FBXL5: variants seen among roughly 807,000 people sequenced by gnomAD.
The protein encoded by FBXL5 is F-box/LRR-repeat protein 5.
Under a neutral mutation model 78.3 loss-of-function variants are expected in FBXL5, and 26 were observed. The observed-to-expected ratio is 0.33, with a 90% CI of 0.24 to 0.46. The LOEUF is 0.46. Ranked by LOEUF, FBXL5 falls within the 20% of genes least tolerant of loss-of-function variation. The probability of loss-of-function intolerance (pLI) is 1.00; values close to 1 mark genes in which losing one functional copy is unlikely to be tolerated. For synonymous variants in FBXL5, 295 were observed against 282.5 expected (o/e 1.04, Z -0.45); for missense variants, 710 against 829.2 (o/e 0.86, Z 1.77).
At chr4:15,653,071 T>C (rs1047307782) in intron 1 of FBXL5, among the ~76,000 whole-genome samples, 7 of 152,310 alleles carry the variant, frequency 4.6e-5, no homozygotes, top group South Asian at 2.1e-4. Flanking sequence ...TGGCTATCAG[T>C]ATCAAGAAGA....
upstream of FBXL5, among the ~76,000 whole-genome samples, chr4:15,656,497 T>C (rs2148747285): frequency 6.6e-6 from 1 of 152,312 alleles, no homozygotes; most frequent in Non-Finnish European, 1.5e-5. Flanking sequence ...CAAGACAACA[T>C]GGGGATCAGT....
At chr4:15,638,810 A>G in intron 3 of FBXL5, 116 bp from the exon 4 acceptor site, 1 of 641,026 alleles carries the variant, frequency 1.6e-6, no homozygotes, top group Non-Finnish European at 2.5e-6. Context: ...TCTCAAAAAG[A>G]TAAAAATTTT....
rs749420944 is a variant in FBXL5 at position 15,630,747 on chromosome 4, C to A, written c.811G>T (p.Asp271Tyr). ...GPATELDTEP[D>Y]DEWVKNRKDE... ...TTCCTATTTTTCACCCATTCATCAT[C>A]AGGTTCAGTATCAAGTTCAGTTGCG... The change falls in exon 6 of 11, where the codon GAT (aspartate) becomes TAT (tyrosine). Residue 271 changes from aspartate (D) to tyrosine (Y), a missense_variant. Physicochemically the swap from Asp to Tyr is radical, Grantham distance 160. Coordinates refer to ENST00000341285, the MANE Select transcript of FBXL5 (RefSeq NM_012161.4). 5 of 1,610,860 alleles carry A rather than the reference C, an allele frequency of 3.1e-6. No individual in the cohort carries two copies. The South Asian group carries it at 3.3e-5, about 11-fold the overall frequency.
chr4:15,667,835 A>G (rs1247004400), intron 1 of FBXL5, among the ~76,000 whole-genome samples: 1 of 152,176 alleles, frequency 6.6e-6, no homozygotes, highest in Non-Finnish European at 1.5e-5. Context: ...TGAGGTCAGG[A>G]GTTCGAGACT....
chr4:15,621,062 C>T (rs1046904630), intron 9 of FBXL5, among the ~76,000 whole-genome samples: 4 of 152,176 alleles, frequency 2.6e-5, no homozygotes, highest in African/African-American at 9.7e-5. Context: ...TCCCACTTCA[C>T]ACCTCTATAT....
At chr4:15,654,805 G>GGA (rs776293174) in intron 1 of FBXL5, among the ~76,000 whole-genome samples, 1 of 152,158 alleles carries the variant, frequency 6.6e-6, no homozygotes, top group Non-Finnish European at 1.5e-5. Context: ...GGTGCAGATG[G>GGA]GAGTCCACCG....
At chr4:15,615,129 C>A (rs996456952) in intron 9 of FBXL5, among the ~76,000 whole-genome samples, 2 of 152,182 alleles carry the variant, frequency 1.3e-5, no homozygotes, top group Non-Finnish European at 2.9e-5. Flanking sequence ...CGATTTCTCA[C>A]CGAGCCTTAG....
upstream of FBXL5, chr4:15,655,491 A>G (rs2148738524): frequency 1.5e-6 from 1 of 655,956 alleles, no homozygotes; most frequent in Middle Eastern, 7.8e-4. Flanking sequence ...GGGCGCGCGC[A>G]GAGGCTCGCG....
rs1395664313 is a variant in FBXL5, at chr4:15,625,554, G to A, written c.1548C>T (p.Ser516=). Residue 516 remains serine, a synonymous_variant, in exon 9 of 11, where the codon TCC becomes TCT. Coordinates refer to ENST00000341285, the MANE Select transcript of FBXL5 (RefSeq NM_012161.4). ...VMETASNFSC[S]TSGCFSKDIV... ...TGTCCTTACTAAAACAACCAGAGGT[G>A]GAACAACTAAAGTTGGATGCTGTTT... 2.5e-6 allele frequency: 4 copies of A among 1,614,006 alleles called. No homozygotes were observed. The highest frequency in any genetic ancestry group is 1.1e-5 in the South Asian group (1 of 91,082).
intron 1 of FBXL5, among the ~76,000 whole-genome samples, chr4:15,674,458 T>G (rs1717890936): frequency 6.6e-6 from 1 of 152,066 alleles, no homozygotes; most frequent in African/African-American, 2.4e-5. Flanking sequence ...GTCCCCCAAT[T>G]TTTATTATAT....
At chr4:15,617,814 G>C (rs1228244397) in intron 9 of FBXL5, among the ~76,000 whole-genome samples, 2 of 152,184 alleles carry the variant, frequency 1.3e-5, no homozygotes, top group South Asian at 2.1e-4. Flanking sequence ...TCAAATGGCG[G>C]TGGGTGGGAG....
At chr4:15,612,798 TA>T (rs951774948) in intron 9 of FBXL5, among the ~76,000 whole-genome samples, 1 of 149,808 alleles carries the variant, frequency 6.7e-6, no homozygotes, top group Admixed American at 6.7e-5. Flanking sequence ...GGGCAGTTTC[TA>T]AAAAAAAAAT....
intron 9 of FBXL5, among the ~76,000 whole-genome samples, chr4:15,623,642 A>G (rs1712706573): frequency 6.6e-6 from 1 of 152,202 alleles, no homozygotes; most frequent in Non-Finnish European, 1.5e-5. Flanking sequence ...AAAATTTTTT[A>G]AAGAATAAAA....
chr4:15,649,043 G>C (rs1183714854), intron 1 of FBXL5, among the ~76,000 whole-genome samples: 1 of 151,848 alleles, frequency 6.6e-6, no homozygotes, highest in Non-Finnish European at 1.5e-5. Context: ...CAGATCAACA[G>C]ATCAAGTTAA....
intron 5 of FBXL5, among the ~76,000 whole-genome samples, chr4:15,635,054 G>A (rs1039173252): frequency 1.3e-5 from 2 of 152,040 alleles, no homozygotes; most frequent in East Asian, 1.9e-4. Flanking sequence ...ATACGTGGCC[G>A]GGCACGGTGG....
rs1334932508 is a variant in FBXL5, at chr4:15,625,455, T to C, written c.1647A>G (p.Ser549=). 1.2e-6 allele frequency: 2 copies of C among 1,614,010 alleles called. No individual in the cohort carries two copies. The highest frequency in any genetic ancestry group is 2.2e-5 in the South Asian group (2 of 91,064). The change falls in exon 9 of 11, where the codon TCA becomes TCG. Residue 549 remains serine (S), a synonymous_variant. Coordinates refer to ENST00000341285, the MANE Select transcript of FBXL5 (RefSeq NM_012161.4). The part of the protein sequence containing the change: ...ASPAFAYCGH[S]FCCTGTALRT... ...TTAAAGCTGTTCCTGTACAACAAAATGAGTGACCACAATACGCAAAGGCTG... is the reference window on the plus strand; with the variant it reads ...TTAAAGCTGTTCCTGTACAACAAAACGAGTGACCACAATACGCAAAGGCTG...
chr4:15,631,105 C>A (rs1415865116), intron 5 of FBXL5, among the ~76,000 whole-genome samples: 1 of 152,030 alleles, frequency 6.6e-6, no homozygotes, highest in East Asian at 1.9e-4. Context: ...GTGTGACGTT[C>A]CCCACCCTGT....
At position 15,638,590 on chromosome 4, in the gene FBXL5, G is replaced by C. The variant is rs1343761855; in HGVS notation, c.501C>G (p.Leu167=). Residue 167 remains leucine (L), a synonymous_variant, in exon 4 of 11, where the codon CTC becomes CTG. Transcript: ENST00000341285. ...GATTCCATAGGCTAAGACCTCTAAGGAGTTCTGCAGTATCCTTCTGAGAGC... is the reference window on the plus strand; with the variant it reads ...GATTCCATAGGCTAAGACCTCTAAGCAGTTCTGCAGTATCCTTCTGAGAGC... ...QHCSQKDTAE[L]LRGLSLWNHA... The C allele has an allele frequency of 6.2e-7, 1 of 1,613,338 alleles. No individual in the cohort carries two copies. The highest frequency in any genetic ancestry group is 1.3e-5 in the African/African-American group (1 of 74,890).
intron 6 of FBXL5, among the ~76,000 whole-genome samples, chr4:15,629,234 A>G (rs1271193873): frequency 6.6e-6 from 1 of 152,100 alleles, no homozygotes; most frequent in Non-Finnish European, 1.5e-5. Context: ...AAGGAAATTG[A>G]GTCTTTCCTC....
Sources: allele counts gnomAD v4.1 joint callset (sites outside exome capture counted in the v4.1 genomes callset), GRCh38; gene constraint gnomAD v4.1.1; transcripts MANE v1.5; gene names NCBI Gene and HGNC (gene_info 2026-07-23, HGNC 2026-07-21).